Variants in ACACA observed in about 807,000 individuals in gnomAD.
The protein encoded by ACACA is acetyl-CoA carboxylase alpha.
Under a neutral mutation model 296.1 loss-of-function variants are expected in ACACA, and 103 were observed. The ratio of observed to expected loss-of-function variants is 0.35; its 90% confidence interval spans 0.30 to 0.41. The LOEUF is 0.41. ACACA is among the 10% of genes least tolerant of loss of function. ACACA has a pLI of 1.00. For missense variants in ACACA, 1,554 were observed against 2,989.7 expected (o/e 0.52, Z 11.20); for synonymous variants, 953 against 1,038.6 (o/e 0.92, Z 1.58).
intron 43 of ACACA, among the ~76,000 whole-genome samples, chr17:37,153,512 A>C (rs2076122458): frequency 6.6e-6 from 1 of 152,194 alleles, no homozygotes; most frequent in Non-Finnish European, 1.5e-5. Flanking sequence ...AGATTTTTGA[A>C]GTTTCTGTGA....
intron 1 of ACACA, 108 bp downstream of exon 1, chr17:37,406,154 C>T (rs1171408896): frequency 1.1e-5 from 14 of 1,271,386 alleles, no homozygotes; most frequent in South Asian, 2.4e-5. Flanking sequence ...TAAATGAGAC[C>T]GTATGTGTAA....
intron 1 of ACACA, among the ~76,000 whole-genome samples, chr17:37,349,561 CT>C (rs71135708): frequency 1.1e-3 from 147 of 134,792 alleles, no homozygotes; most frequent in Non-Finnish European, 1.1e-3. Flanking sequence ...ATATATATAG[CT>C]TTTTTTTTTT....
chr17:37,352,355 A>G (rs2048945043), intron 1 of ACACA, among the ~76,000 whole-genome samples: 1 of 152,174 alleles, frequency 6.6e-6, no homozygotes, highest in Non-Finnish European at 1.5e-5. Flanking sequence ...GTGAATTCAG[A>G]AAGTTCTAGG....
At chr17:37,151,526 T>C in intron 43 of ACACA, 105 bp from the exon 44 acceptor site, 1 of 1,373,424 alleles carries the variant, frequency 7.3e-7, no homozygotes, top group South Asian at 1.2e-5. Context: ...ATTGAAAGCT[T>C]ATATTTAATG....
At chr17:37,333,818 G>C (rs1346817055) in intron 2 of ACACA, among the ~76,000 whole-genome samples, 1 of 149,676 alleles carries the variant, frequency 6.7e-6, no homozygotes, top group Admixed American at 6.8e-5. Flanking sequence ...CTGGCAACTA[G>C]ATTTTACCCA....
chr17:37,177,504 C>G (rs1317457806), intron 41 of ACACA, among the ~76,000 whole-genome samples: 1 of 152,160 alleles, frequency 6.6e-6, no homozygotes, highest in African/African-American at 2.4e-5. Context: ...AAAGAAAGAT[C>G]ATGGCAAGGG....
intron 1 of ACACA, chr17:37,377,820 A>G (rs2050073532): frequency 6.5e-6 from 9 of 1,387,650 alleles, no homozygotes; most frequent in Non-Finnish European, 8.2e-6. Context: ...AGTACCAGTA[A>G]ATTCTGATTT....
chr17:37,275,015 T>C (rs770890328), intron 8 of ACACA, among the ~76,000 whole-genome samples: 7 of 152,060 alleles, frequency 4.6e-5, no homozygotes, highest in Non-Finnish European at 7.4e-5. Context: ...TGTTATCAGC[T>C]ATAATAATTC....
At chr17:37,358,901 G>T in intron 1 of ACACA, 1 of 972,268 alleles carries the variant, frequency 1.0e-6, no homozygotes, top group Non-Finnish European at 1.2e-6. Context: ...GCGGGTGAGC[G>T]GAGGCTGGGA....
chr17:37,178,658 A>C (rs2077207101), intron 41 of ACACA, among the ~76,000 whole-genome samples: 1 of 152,048 alleles, frequency 6.6e-6, no homozygotes, highest in Non-Finnish European at 1.5e-5. Flanking sequence ...AAAATTAGCC[A>C]AGTGTAGTGG....
rs2077617417 is a variant in ACACA, at chr17:37,188,365, A to G, written c.4688T>C (p.Ile1563Thr). 5.6e-6 allele frequency: 9 copies of G among 1,614,128 alleles called. No individual in the cohort carries two copies. The highest frequency in any genetic ancestry group is 7.6e-6 in the Non-Finnish European group (9 of 1,180,002). Residue 1563 changes from isoleucine to threonine, a missense_variant, in exon 39 of 56, where the codon ATT becomes ACT. Ile to Thr is a moderately conservative substitution (Grantham distance 89, BLOSUM62 -1). Around this residue, in one of 16 missense-constraint regions of ACACA, gnomAD observed 553 missense variants for 1,043.6 expected, o/e 0.53. Coordinates refer to ENST00000616317, the MANE Select transcript of ACACA (RefSeq NM_198834.3). ...NIRLTPTGKA[I>T]PIRLFLTNES... ...GTTTGTCAGGAAGAGGCGGATGGGA[A>G]TTGCTTTTCCAGTTGGCGTCAGGCG...
intron 3 of ACACA, among the ~76,000 whole-genome samples, chr17:37,319,716 G>A (rs190451817): frequency 1.3e-5 from 2 of 152,110 alleles, no homozygotes; most frequent in East Asian, 3.9e-4. Flanking sequence ...ATTTTGGGAG[G>A]CCAAGGTGGG....
intron 9 of ACACA, 72 bp downstream of exon 9, chr17:37,274,121 G>A (rs1445352497): frequency 5.3e-6 from 7 of 1,317,298 alleles, no homozygotes; most frequent in South Asian, 1.2e-5. Context: ...CACGAGCCAG[G>A]CTCCCAATCT....
At chr17:37,139,542 T>G (rs1245860850) in intron 45 of ACACA, among the ~76,000 whole-genome samples, 1 of 152,222 alleles carries the variant, frequency 6.6e-6, no homozygotes, top group East Asian at 1.9e-4. Flanking sequence ...CTTTACTGAT[T>G]CCACCAAATC....
chr17:37,338,325 C>A (rs1365660109), intron 2 of ACACA, among the ~76,000 whole-genome samples: 10 of 151,260 alleles, frequency 6.6e-5, no homozygotes, highest in Admixed American at 5.9e-4. Context: ...AAAAAAAGTT[C>A]AAGATCAGCC....
rs1567913429 is a variant in ACACA at position 37,268,743 on chromosome 17, A to ATAGATATATATATATATATATATC, written c.1119+2007_1119+2008insGATATATATATATATATATATCTA. ...TATCTATCTATCTATCTATCTATCT[A>ATAGATATATATATATATATATATC]TATATATATATATATATATATATAT... On this transcript the variant is annotated intron_variant, in intron 10 of 55. Transcript: ENST00000616317. 7.3e-3 allele frequency among the ~76,000 whole-genome samples: 741 copies of ATAGATATATATATATATATATATC among 101,980 alleles called. 4 individuals are homozygous for ATAGATATATATATATATATATATC. The highest frequency in any genetic ancestry group is 0.012 in the Non-Finnish European group (559 of 46,624). The allele number at this position is 101,980 out of a possible 152,430, so 66.9% of individuals were successfully genotyped here.
intron 33 of ACACA, among the ~76,000 whole-genome samples, chr17:37,200,881 AAAG>A (rs916182602): frequency 1.2e-4 from 18 of 152,210 alleles, no homozygotes; most frequent in African/African-American, 4.1e-4. Context: ...GGTAGAGAGA[AAAG>A]AAGGACTTTC....
At chr17:37,345,970 T>A (rs1012566256) in intron 1 of ACACA, among the ~76,000 whole-genome samples, 3 of 152,090 alleles carry the variant, frequency 2.0e-5, no homozygotes, top group Admixed American at 2.0e-4. Flanking sequence ...CTCAACACTT[T>A]GGGAAGCTTA....
intron 21 of ACACA, 91 bp from the exon 22 acceptor site, chr17:37,243,650 A>G: frequency 7.1e-7 from 1 of 1,412,966 alleles, no homozygotes; most frequent in South Asian, 1.2e-5. Flanking sequence ...TACGTGGGAA[A>G]TTGGTTCCAG....
Sources: allele counts gnomAD v4.1 joint callset (sites outside exome capture counted in the v4.1 genomes callset), GRCh38; gene constraint gnomAD v4.1.1; regional missense constraint gnomAD v4.1.1; transcripts MANE v1.5; gene names NCBI Gene and HGNC (gene_info 2026-07-23, HGNC 2026-07-21).